Variants in POU6F2 observed in about 807,000 individuals in gnomAD.
POU6F2 encodes POU class 6 homeobox 2.
In POU6F2, 31 loss-of-function variants were observed where a neutral mutation model predicts 71.3. That is an observed-to-expected ratio of 0.43 (90% CI 0.33 to 0.59). The LOEUF (loss-of-function observed/expected upper bound fraction) is 0.59, where lower values mean the gene tolerates loss of function less well. POU6F2 is among the 20% of genes least tolerant of loss of function. POU6F2 has a pLI of 0.04. For synonymous variants in POU6F2, 347 were observed against 355.7 expected (o/e 0.98, Z 0.27); for missense variants, 783 against 856.8 (o/e 0.91, Z 1.07).
intron 4 of POU6F2, among the ~76,000 whole-genome samples, chr7:39,333,437 G>A (rs1204080865): frequency 1.3e-5 from 2 of 151,674 alleles, no homozygotes. Flanking sequence ...AGAACAATTT[G>A]TTTAAAAGAA....
At chr7:39,322,468 CATTTTTCGCTCTTTTAAGATT>C (rs1176680934) in intron 4 of POU6F2, among the ~76,000 whole-genome samples, 1 of 152,202 alleles carries the variant, frequency 6.6e-6, no homozygotes, top group Non-Finnish European at 1.5e-5. Flanking sequence ...GTTAGGATGA[CATTTTTCGCTCTTTTAAGATT>C]ATGATTTAAT....
intron 1 of POU6F2, chr7:39,006,925 C>G (rs1789090346): frequency 1.3e-6 from 2 of 1,518,872 alleles, no homozygotes; most frequent in Non-Finnish European, 1.8e-6. Flanking sequence ...AATTTATAAT[C>G]TGTGAGTTTA....
chr7:39,016,865 C>T (rs966118871), intron 1 of POU6F2, among the ~76,000 whole-genome samples: 1 of 152,046 alleles, frequency 6.6e-6, no homozygotes, highest in Non-Finnish European at 1.5e-5. Flanking sequence ...TGAAGAAGGC[C>T]GACAGCCACT....
At chr7:39,355,369 A>C (rs757823646) in intron 5 of POU6F2, among the ~76,000 whole-genome samples, 2 of 152,232 alleles carry the variant, frequency 1.3e-5, no homozygotes, top group Admixed American at 6.5e-5. Context: ...ATACAAATGA[A>C]CATATATAGT....
chr7:39,061,348 C>T (rs1345430716), intron 1 of POU6F2, among the ~76,000 whole-genome samples: 4 of 152,046 alleles, frequency 2.6e-5, no homozygotes, highest in East Asian at 1.9e-4. Context: ...TTAGGATAAT[C>T]GTGGCTAGTC....
chr7:39,057,680 A>C (rs892107811), intron 1 of POU6F2, among the ~76,000 whole-genome samples: 1 of 152,136 alleles, frequency 6.6e-6, no homozygotes, highest in African/African-American at 2.4e-5. Flanking sequence ...TTCACATTTT[A>C]ATTCTATTTT....
At chr7:39,074,482 C>T (rs1247987410) in intron 1 of POU6F2, among the ~76,000 whole-genome samples, 3 of 150,072 alleles carry the variant, frequency 2.0e-5, no homozygotes, top group East Asian at 1.9e-4. Context: ...TTGTCCCCCC[C>T]TCAAAAAAAA....
chr7:38,983,159 A>T (rs1788367051), intron 1 of POU6F2, among the ~76,000 whole-genome samples: 2 of 152,254 alleles, frequency 1.3e-5, no homozygotes, highest in South Asian at 2.1e-4. Context: ...ACATGAAAGG[A>T]TCAGACTTGA....
intron 2 of POU6F2, among the ~76,000 whole-genome samples, chr7:39,100,416 A>G (rs1273744616): frequency 6.6e-6 from 1 of 152,182 alleles, no homozygotes; most frequent in African/African-American, 2.4e-5. Context: ...TCTTATATAC[A>G]CCAAAGTCAT....
At chr7:39,139,376 A>T (rs1367964399) in intron 2 of POU6F2, among the ~76,000 whole-genome samples, 1 of 152,148 alleles carries the variant, frequency 6.6e-6, no homozygotes, top group East Asian at 1.9e-4. Flanking sequence ...TGTTGATTTT[A>T]TGAGTCCCAG....
chr7:39,321,796 G>A (rs1785397911), intron 4 of POU6F2, among the ~76,000 whole-genome samples: 1 of 151,942 alleles, frequency 6.6e-6, no homozygotes, highest in African/African-American at 2.4e-5. Flanking sequence ...GAGGAAAATG[G>A]AGGAGGAAGA....
In POU6F2 at chr7:39,328,218, C is replaced by T. The variant is rs181823360; in HGVS notation, c.599-11424C>T. On this transcript the variant is annotated intron_variant, in intron 4 of 9. Transcript: ENST00000518318. ...ACAGGCGTGAGCCACCGCACCCGAC[C>T]GAATCGGGTTTCTTTAATGCTGAAA... 4.2e-3 allele frequency among the ~76,000 whole-genome samples: 634 copies of T among 152,298 alleles called. 4 individuals carry two copies. Among genetic ancestry groups the T allele is most frequent in the African/African-American group, 0.014 (578 of 41,552 alleles).
At chr7:39,184,501 A>T (rs1320407474) in intron 2 of POU6F2, among the ~76,000 whole-genome samples, 7 of 152,156 alleles carry the variant, frequency 4.6e-5, no homozygotes, top group Non-Finnish European at 8.8e-5. Context: ...GCTTCTCAAC[A>T]CTAGGGATTT....
chr7:39,116,991 ACC>A (rs1162855003), intron 2 of POU6F2, among the ~76,000 whole-genome samples: 1 of 152,164 alleles, frequency 6.6e-6, no homozygotes, highest in Non-Finnish European at 1.5e-5. Flanking sequence ...ATGTAGTGGC[ACC>A]TTCTTGTTTG....
At chr7:39,054,834 T>C (rs1404447501) in intron 1 of POU6F2, among the ~76,000 whole-genome samples, 1 of 151,452 alleles carries the variant, frequency 6.6e-6, no homozygotes, top group Non-Finnish European at 1.5e-5. Flanking sequence ...CTCACACACT[T>C]ATTCAATGAG....
At chr7:39,066,446 A>G (rs766561536) in intron 1 of POU6F2, among the ~76,000 whole-genome samples, 6 of 151,812 alleles carry the variant, frequency 4.0e-5, no homozygotes, top group African/African-American at 9.7e-5. Context: ...ATAGGAATAT[A>G]TATGTGTACA....
intron 2 of POU6F2, among the ~76,000 whole-genome samples, chr7:39,183,349 A>T (rs1030846055): frequency 6.6e-6 from 1 of 152,198 alleles, no homozygotes; most frequent in African/African-American, 2.4e-5. Flanking sequence ...TCCACAGACT[A>T]CAAAGGAAGC....
intron 2 of POU6F2, among the ~76,000 whole-genome samples, chr7:39,147,644 C>G (rs1254216281): frequency 6.6e-6 from 1 of 152,164 alleles, no homozygotes; most frequent in Non-Finnish European, 1.5e-5. Context: ...TTTTGCATTT[C>G]TGTTCTTCTT....
chr7:39,313,185 C>G (rs1307065285), intron 4 of POU6F2, among the ~76,000 whole-genome samples: 4 of 152,250 alleles, frequency 2.6e-5, no homozygotes, highest in African/African-American at 9.6e-5. Flanking sequence ...TCCCTCTTGA[C>G]CCACACTCTC....
Sources: gnomAD v4.1 joint callset for allele counts (sites outside exome capture counted in the v4.1 genomes callset) on GRCh38, gnomAD v4.1.1 for gene constraint, MANE v1.5 for transcripts, NCBI Gene and HGNC (gene_info 2026-07-23, HGNC 2026-07-21) for gene names.